ST8SIA1: variants seen among roughly 807,000 people sequenced by gnomAD.
The protein encoded by ST8SIA1 is ST8 alpha-N-acetyl-neuraminide alpha-2,8-sialyltransferase 1, also known as alpha-N-acetylneuraminide alpha-2,8-sialyltransferase.
A neutral mutation model predicts 35.9 loss-of-function variants in ST8SIA1; 16 were observed. The ratio of observed to expected loss-of-function variants is 0.45; its 90% CI spans 0.30 to 0.68. ST8SIA1 has a LOEUF of 0.68. ST8SIA1 is among the 30% of genes least tolerant of loss of function. ST8SIA1 has a pLI of 0.09. For synonymous variants in ST8SIA1, 170 were observed against 169.6 expected (o/e 1.00, Z -0.02); for missense variants, 383 against 453.6 (o/e 0.84, Z 1.41).
intron 2 of ST8SIA1, among the ~76,000 whole-genome samples, chr12:22,284,022 T>C (rs16924880): frequency 0.093 from 14,128 of 152,156 alleles, 799 homozygotes; most frequent in East Asian, 0.15. Flanking sequence ...TAGAACTAAC[T>C]AACTAAAAGG....
chr12:22,305,380 T>C (rs1866371443), intron 1 of ST8SIA1, among the ~76,000 whole-genome samples: 1 of 105,132 alleles, frequency 9.5e-6, no homozygotes, highest in East Asian at 2.7e-4. Flanking sequence ...TCCAGCATAC[T>C]TTTTTTTTTT....
At chr12:22,275,240 C>T (rs1320715787) in intron 2 of ST8SIA1, among the ~76,000 whole-genome samples, 1 of 152,126 alleles carries the variant, frequency 6.6e-6, no homozygotes, top group Non-Finnish European at 1.5e-5. Context: ...ATGCAAGTCA[C>T]TTAGTAAAAG....
At chr12:22,206,127 A>G (rs927898176) in intron 4 of ST8SIA1, among the ~76,000 whole-genome samples, 17 of 152,342 alleles carry the variant, frequency 1.1e-4, no homozygotes, top group African/African-American at 3.4e-4. Flanking sequence ...AAGGGTGAAT[A>G]AAGCTCTCAC....
At chr12:22,320,995 GAA>G (rs1230461609) in intron 1 of ST8SIA1, among the ~76,000 whole-genome samples, 2,431 of 110,214 alleles carry the variant, frequency 0.022, 40 homozygotes, top group Middle Eastern at 0.034. Flanking sequence ...AAGAAAGAAA[GAA>G]AGAAAGAAGA....
chr12:22,326,156 A>G (rs1297369300), intron 1 of ST8SIA1: 2 of 386,804 alleles, frequency 5.2e-6, no homozygotes, highest in Admixed American at 4.5e-5. Flanking sequence ...AAATTTGTTA[A>G]TTAGATTAAC....
intron 1 of ST8SIA1, among the ~76,000 whole-genome samples, chr12:22,301,334 G>T (rs949758896): frequency 6.6e-6 from 1 of 152,010 alleles, no homozygotes; most frequent in Non-Finnish European, 1.5e-5. Context: ...GGTATTAACT[G>T]CACAGACTAA....
intron 1 of ST8SIA1, among the ~76,000 whole-genome samples, chr12:22,314,597 T>C (rs926587983): frequency 9.2e-5 from 14 of 152,168 alleles, no homozygotes; most frequent in African/African-American, 2.2e-4. Context: ...AGGACCCAAG[T>C]AGTGTCAAAC....
intron 2 of ST8SIA1, chr12:22,268,634 C>G (rs1865875962): frequency 6.6e-6 from 1 of 152,176 alleles, no homozygotes; most frequent in Non-Finnish European, 1.5e-5. Context: ...GGGGGGGAAG[C>G]CCGTTATAAA....
intron 4 of ST8SIA1, among the ~76,000 whole-genome samples, chr12:22,210,680 A>G (rs1865167171): frequency 6.6e-6 from 1 of 152,224 alleles, no homozygotes; most frequent in Non-Finnish European, 1.5e-5. Context: ...AATTTGCTAC[A>G]GTAACTCACA....
chr12:22,256,257 T>C (rs1865727444), intron 2 of ST8SIA1, among the ~76,000 whole-genome samples: 1 of 152,194 alleles, frequency 6.6e-6, no homozygotes, highest in South Asian at 2.1e-4. Flanking sequence ...TGACTTTCTT[T>C]CTGCCAACAC....
chr12:22,299,566 TA>T (rs1030013842), intron 1 of ST8SIA1, among the ~76,000 whole-genome samples: 1 of 152,088 alleles, frequency 6.6e-6, no homozygotes, highest in African/African-American at 2.4e-5. Context: ...GATGATTTAT[TA>T]AAAAAATTTT....
chr12:22,228,149 C>T (rs757540140), intron 4 of ST8SIA1, among the ~76,000 whole-genome samples: 1 of 152,210 alleles, frequency 6.6e-6, no homozygotes, highest in Non-Finnish European at 1.5e-5. Flanking sequence ...AAGAGAAGAA[C>T]TGATTAAGAG....
chr12:22,309,819 A>C (rs1866428644), intron 1 of ST8SIA1, among the ~76,000 whole-genome samples: 3 of 152,208 alleles, frequency 2.0e-5, no homozygotes, highest in Non-Finnish European at 4.4e-5. Flanking sequence ...CTACAGGAAA[A>C]AGAAGAAGAA....
chr12:22,282,864 G>A (rs570392015), intron 2 of ST8SIA1, among the ~76,000 whole-genome samples: 2 of 151,682 alleles, frequency 1.3e-5, no homozygotes, highest in Non-Finnish European at 1.5e-5. Context: ...ATGAATAAGT[G>A]GAAAAAACTA....
intron 2 of ST8SIA1, among the ~76,000 whole-genome samples, chr12:22,269,125 A>G (rs1395809214): frequency 6.6e-6 from 1 of 152,186 alleles, no homozygotes; most frequent in Non-Finnish European, 1.5e-5. Context: ...AGGCAGTTAG[A>G]GAAGAGTGCA....
chr12:22,239,545 T>G (rs1865516139), intron 4 of ST8SIA1, among the ~76,000 whole-genome samples: 1 of 152,252 alleles, frequency 6.6e-6, no homozygotes, highest in African/African-American at 2.4e-5. Flanking sequence ...GGATATTCTC[T>G]TATTGGCTTC....
intron 4 of ST8SIA1, among the ~76,000 whole-genome samples, chr12:22,209,870 T>C (rs1277713498): frequency 1.3e-5 from 2 of 152,242 alleles, no homozygotes; most frequent in East Asian, 1.9e-4. Context: ...TTATTACATA[T>C]ACATGTCTTC....
At position 22,194,278 on chromosome 12, in the gene ST8SIA1, GA is replaced by G. The variant is rs982950783; in HGVS notation, c.*7273del. ...TTCCTTGCTTCCGGTGTTTACTGGA[GA>G]AACAAACATTAATCCTCTTGCAGTT... On this transcript the variant is annotated 3_prime_UTR_variant, in exon 5 of 5. Coordinates refer to ENST00000396037, the MANE Select transcript of ST8SIA1 (RefSeq NM_003034.4). The G allele has an allele frequency of 6.6e-6, 1 of 152,144 alleles. No individual in the cohort carries two copies. The highest frequency in any genetic ancestry group is 2.4e-5 in the African/African-American group (1 of 41,406). The allele number at this position is 152,144 out of a possible 1,614,324, so 9.4% of individuals were successfully genotyped here. A position where few individuals can be genotyped will look rare whatever the true frequency, so the allele number is the denominator to read the frequency against.
chr12:22,280,518 G>A (rs750799272), intron 2 of ST8SIA1, among the ~76,000 whole-genome samples: 9 of 151,844 alleles, frequency 5.9e-5, no homozygotes, highest in South Asian at 2.1e-4. Flanking sequence ...AGCCATAATC[G>A]GTCTTTGTAT....
Sources: allele counts gnomAD v4.1 joint callset (sites outside exome capture counted in the v4.1 genomes callset), GRCh38; gene constraint gnomAD v4.1.1; transcripts MANE v1.5; gene names NCBI Gene and HGNC (gene_info 2026-07-23, HGNC 2026-07-21).